Variants in FSIP1 observed in about 807,000 individuals in gnomAD.
The protein encoded by FSIP1 is fibrous sheath-interacting protein 1.
Under a neutral mutation model 60.9 loss-of-function variants are expected in FSIP1, and 65 were observed. That is an observed-to-expected ratio of 1.07 (90% CI 0.87 to 1.31). The LOEUF is 1.31. FSIP1 is among the 40% of genes most tolerant of loss of function. The pLI is 0.00. For synonymous variants in FSIP1, 209 were observed against 221.2 expected, an observed-to-expected ratio of 0.94 and a Z score of 0.49; for missense variants, 675 against 665.5, an observed-to-expected ratio of 1.01 and a Z score of -0.16.
At chr15:39,700,377 TA>T (rs1895008057) in intron 10 of FSIP1, among the ~76,000 whole-genome samples, 1 of 152,200 alleles carries the variant, frequency 6.6e-6, no homozygotes, top group South Asian at 2.1e-4. Context: ...ATTTCTGCCT[TA>T]TATTTTCGAT....
chr15:39,735,748 T>C (rs1392172578), intron 8 of FSIP1, among the ~76,000 whole-genome samples: 1 of 152,206 alleles, frequency 6.6e-6, no homozygotes, highest in Non-Finnish European at 1.5e-5. Context: ...GCTTAAAACA[T>C]AAACACAGTA....
intron 10 of FSIP1, among the ~76,000 whole-genome samples, chr15:39,630,431 A>G (rs945163095): frequency 6.6e-6 from 1 of 152,218 alleles, no homozygotes; most frequent in Non-Finnish European, 1.5e-5. Context: ...AAACTTTAAG[A>G]AAGAGATGAA....
intron 10 of FSIP1, among the ~76,000 whole-genome samples, chr15:39,710,221 G>C (rs917854812): frequency 1.3e-5 from 2 of 152,162 alleles, no homozygotes; most frequent in African/African-American, 4.8e-5. Flanking sequence ...GGTGGCTCAA[G>C]CCTGTAATCC....
intron 3 of FSIP1, among the ~76,000 whole-genome samples, chr15:39,766,541 G>C (rs1897695583): frequency 6.6e-6 from 1 of 152,174 alleles, no homozygotes; most frequent in Non-Finnish European, 1.5e-5. Context: ...TTTTAACTGA[G>C]TTACACGTAT....
chr15:39,767,074 T>A (rs886268143), intron 3 of FSIP1, among the ~76,000 whole-genome samples: 22 of 152,122 alleles, frequency 1.4e-4, no homozygotes, highest in Admixed American at 6.5e-5. Flanking sequence ...GGTTTTAAAC[T>A]CCTGGGCTTA....
At chr15:39,604,308 C>CG (rs1275434221) in intron 11 of FSIP1, among the ~76,000 whole-genome samples, 1 of 152,202 alleles carries the variant, frequency 6.6e-6, no homozygotes, top group Non-Finnish European at 1.5e-5. Flanking sequence ...GTCACAATAG[C>CG]GGATCTTCAG....
chr15:39,630,799 C>T (rs1891850831), intron 10 of FSIP1, among the ~76,000 whole-genome samples: 2 of 151,976 alleles, frequency 1.3e-5, no homozygotes, highest in Admixed American at 1.3e-4. Context: ...ACTCCTTTTT[C>T]GAGGGGGAGC....
In FSIP1 at chr15:39,697,125, TTTATAA is replaced by T. The variant is rs376029533; in HGVS notation, c.1188+16313_1188+16318del. Among the ~76,000 whole-genome samples the T allele has an allele frequency of 3.5e-3, 532 of 152,312 alleles. 3 individuals carry two copies. The highest frequency in any genetic ancestry group is 0.012 in the African/African-American group (508 of 41,564). On this transcript the variant is annotated intron_variant, in intron 10 of 11. Coordinates refer to ENST00000350221, the MANE Select transcript of FSIP1 (RefSeq NM_152597.5). The stretch of plus-strand genomic sequence containing the variant: ...ACTGTAATCACATTTGCATAGCCAC[TTTATAA>T]TTAAAGAGAAATCTTTTAACAAATT...
intron 10 of FSIP1, among the ~76,000 whole-genome samples, chr15:39,712,533 G>A (rs1431519446): frequency 1.3e-5 from 2 of 152,286 alleles, no homozygotes; most frequent in South Asian, 2.1e-4. Context: ...AGTCACATTG[G>A]TTAAAACTCA....
At chr15:39,655,576 G>A (rs1893038630) in intron 10 of FSIP1, among the ~76,000 whole-genome samples, 3 of 152,128 alleles carry the variant, frequency 2.0e-5, no homozygotes, top group Admixed American at 1.3e-4. Context: ...AACGACTGAG[G>A]CTCTGAAAAT....
At chr15:39,711,014 T>A (rs1895485263) in intron 10 of FSIP1, among the ~76,000 whole-genome samples, 1 of 152,216 alleles carries the variant, frequency 6.6e-6, no homozygotes, top group Admixed American at 6.5e-5. Flanking sequence ...ACATACGATT[T>A]CTTAAAGGAC....
intron 10 of FSIP1, among the ~76,000 whole-genome samples, chr15:39,680,644 T>C (rs1481170373): frequency 6.6e-6 from 1 of 152,062 alleles, no homozygotes; most frequent in Non-Finnish European, 1.5e-5. Context: ...CCTTGGTAAC[T>C]GTAGAACCAC....
At chr15:39,763,354 T>A (rs896208811) in intron 5 of FSIP1, among the ~76,000 whole-genome samples, 1 of 152,168 alleles carries the variant, frequency 6.6e-6, no homozygotes, top group African/African-American at 2.4e-5. Flanking sequence ...TTCACAAATA[T>A]ACATACAAAC....
intron 10 of FSIP1, among the ~76,000 whole-genome samples, chr15:39,697,579 C>T (rs1894871533): frequency 2.0e-5 from 3 of 152,212 alleles, no homozygotes; most frequent in Non-Finnish European, 4.4e-5. Context: ...AAGTAAGACA[C>T]TCTGCCCTGT....
At chr15:39,636,691 A>G (rs1892153530) in intron 10 of FSIP1, among the ~76,000 whole-genome samples, 1 of 152,172 alleles carries the variant, frequency 6.6e-6, no homozygotes, top group African/African-American at 2.4e-5. Flanking sequence ...ACCCAAACCA[A>G]ATACCAAAAT....
chr15:39,636,703 AG>A (rs1892154148), intron 10 of FSIP1, among the ~76,000 whole-genome samples: 1 of 152,220 alleles, frequency 6.6e-6, no homozygotes, highest in Admixed American at 6.5e-5. Context: ...TACCAAAATA[AG>A]GGACCTAGCT....
chr15:39,614,897 CACAATTATAATTGCA>C (rs1447675285), intron 11 of FSIP1, among the ~76,000 whole-genome samples: 1 of 152,104 alleles, frequency 6.6e-6, no homozygotes. Context: ...CAAAGTATAA[CACAATTATAATTGCA>C]ACAACATGCT....
chr15:39,606,684 T>C (rs1209205331), intron 11 of FSIP1, among the ~76,000 whole-genome samples: 1 of 152,224 alleles, frequency 6.6e-6, no homozygotes, highest in Non-Finnish European at 1.5e-5. Flanking sequence ...CCACTTTGTT[T>C]TTCTTAAAGA....
intron 10 of FSIP1, among the ~76,000 whole-genome samples, chr15:39,660,940 G>A (rs984933474): frequency 4.6e-5 from 7 of 152,160 alleles, no homozygotes; most frequent in African/African-American, 1.7e-4. Context: ...GCGCACGCCT[G>A]TAATCCAAGC....
Sources: allele counts gnomAD v4.1 joint callset (sites outside exome capture counted in the v4.1 genomes callset), GRCh38; gene constraint gnomAD v4.1.1; transcripts MANE v1.5; gene names NCBI Gene and HGNC (gene_info 2026-07-23, HGNC 2026-07-21).